SHROOM3: variants seen among roughly 807,000 people sequenced by gnomAD.
SHROOM3 encodes protein Shroom3.
A neutral mutation model predicts 138.6 loss-of-function variants in SHROOM3; 47 were observed. That is an observed-to-expected ratio of 0.34 (90% CI 0.27 to 0.43). The LOEUF (loss-of-function observed/expected upper bound fraction) is 0.43. Ranked by LOEUF, SHROOM3 falls within the 20% of genes least tolerant of loss-of-function variation. SHROOM3 has a pLI of 1.00. For missense variants in SHROOM3, 2,491 were observed against 2,596.5 expected, an observed-to-expected ratio of 0.96 and a Z score of 0.88; for synonymous variants, 1,062 against 1,063.3, an observed-to-expected ratio of 1.00 and a Z score of 0.02.
At chr4:76,764,283 A>G (rs1434744647) in intron 9 of SHROOM3, among the ~76,000 whole-genome samples, 1 of 152,254 alleles carries the variant, frequency 6.6e-6, no homozygotes, top group Admixed American at 6.5e-5. Flanking sequence ...TTTTGGCTAA[A>G]GCCTGCCTTA....
chr4:76,702,166 A>T (rs764799701), intron 2 of SHROOM3, among the ~76,000 whole-genome samples: 2 of 152,210 alleles, frequency 1.3e-5, no homozygotes, highest in Non-Finnish European at 2.9e-5. Flanking sequence ...GTTGATACCT[A>T]CCAAAGTATA....
chr4:76,608,723 CAGCACAGCAT>C (rs1176005844), intron 2 of SHROOM3, among the ~76,000 whole-genome samples: 7,210 of 61,742 alleles, frequency 0.12, 545 homozygotes, highest in South Asian at 0.14. Flanking sequence ...CAGCACAGCA[CAGCACAGCAT>C]AGCATAGCAT....
chr4:76,517,851 C>G (rs1201313143), intron 1 of SHROOM3, among the ~76,000 whole-genome samples: 2 of 152,132 alleles, frequency 1.3e-5, no homozygotes, highest in Non-Finnish European at 2.9e-5. Context: ...CCCAGCCATT[C>G]CCCGTGGAAA....
chr4:76,547,961 G>A lies in SHROOM3; in HGVS notation c.169-7648G>A, dbSNP rs942833335. ...CACACACACACACACACACACACAC[G>A]TCATGAATTAAGTGTTAATGAGAAA... On this transcript the variant is annotated intron_variant, in intron 1 of 10. Transcript: ENST00000296043. Among the ~76,000 whole-genome samples the A allele has an allele frequency of 2.2e-4, 11 of 49,618 alleles. No individual in the cohort carries two copies. In the South Asian group the frequency reaches 6.5e-3, roughly 29 times the overall value. The allele number at this position is 49,618 out of a possible 152,430, so 32.6% of individuals were successfully genotyped here. A position where few individuals can be genotyped will look rare whatever the true frequency, so the allele number is the denominator to read the frequency against.
intron 1 of SHROOM3, among the ~76,000 whole-genome samples, chr4:76,551,911 G>A (rs1733362591): frequency 6.6e-6 from 1 of 151,350 alleles, no homozygotes; most frequent in Admixed American, 6.6e-5. Context: ...ACCCAGGCTG[G>A]AGTGCAGTGG....
chr4:76,499,795 T>C lies in SHROOM3; in HGVS notation c.169-55814T>C, dbSNP rs895802135. 4.6e-4 allele frequency among the ~76,000 whole-genome samples: 70 copies of C among 152,114 alleles called. 1 individual carries two copies. Among genetic ancestry groups the C allele is most frequent in the Admixed American group, 4.1e-3 (62 of 15,260 alleles). ...TTTTAGAAGGGTCTAGAAAAACAGATTGAGGGACATTCTTATTGAAGGGGG... is the reference window on the plus strand; with the variant it reads ...TTTTAGAAGGGTCTAGAAAAACAGACTGAGGGACATTCTTATTGAAGGGGG... On this transcript the variant is annotated intron_variant, in intron 1 of 10. Coordinates refer to ENST00000296043, the MANE Select transcript of SHROOM3 (RefSeq NM_020859.4).
rs77872110 is a variant in SHROOM3, at chr4:76,616,217, T to G, written c.323+60454T>G. On this transcript the variant is annotated intron_variant, in intron 2 of 10. Transcript: ENST00000296043. The stretch of plus-strand genomic sequence containing the variant: ...CGAAGTTCCTGTTCTCATTTAACCT[T>G]GAGATTCTGTAATTCGAATCTGGTT... Among the ~76,000 whole-genome samples the G allele has an allele frequency of 2.5e-3, 376 of 152,338 alleles. 6 individuals are homozygous for G. In the East Asian group the frequency reaches 0.049, roughly 20 times the overall value.
intron 2 of SHROOM3, among the ~76,000 whole-genome samples, chr4:76,700,972 A>G (rs1719888686): frequency 6.6e-6 from 1 of 151,992 alleles, no homozygotes; most frequent in South Asian, 2.1e-4. Context: ...TTTAATAGAG[A>G]TAGTGTTTCA....
Position 76,779,222 on chromosome 4 carries a change from A to G in SHROOM3, c.*45A>G. The G allele has an allele frequency of 6.4e-7, 1 of 1,552,644 alleles. No homozygotes were observed. The highest frequency in any genetic ancestry group is 2.3e-5 in the East Asian group (1 of 44,338). On this transcript the variant is annotated 3_prime_UTR_variant, in exon 11 of 11. Transcript: ENST00000296043. ...CCAAAAGATCACTGTTTCTCTCAAC[A>G]CTATTTAATCTGAAAAATGTTTCAG...
chr4:76,621,575 C>A (rs1475050654), intron 2 of SHROOM3, among the ~76,000 whole-genome samples: 2 of 152,176 alleles, frequency 1.3e-5, no homozygotes, highest in Non-Finnish European at 2.9e-5. Context: ...CCTTAGGGAA[C>A]AAACAGACCC....
In SHROOM3 at chr4:76,457,169, T is replaced by C. The variant is rs563193989; in HGVS notation, c.168+20949T>C. ...ATCTGTGTCCCCACCAAGTTTCATG[T>C]CAAATTGTATTCTCCACTGTTGGAA... On this transcript the variant is annotated intron_variant, in intron 1 of 10. Transcript: ENST00000296043. Among the ~76,000 whole-genome samples, 72 of 152,284 alleles carry C rather than the reference T, an allele frequency of 4.7e-4. 2 individuals are homozygous for C. In the South Asian group the frequency reaches 0.015, roughly 32 times the overall value.
At position 76,740,359 on chromosome 4, in the gene SHROOM3, C is replaced by T. The variant is rs780710669; in HGVS notation, c.2186C>T (p.Thr729Ile). The change falls in exon 5 of 11, where the codon ACC becomes ATC. Residue 729 changes from threonine to isoleucine, a missense_variant. Physicochemically the swap from Thr to Ile is moderately conservative, Grantham distance 89. Around this residue, in one of 4 missense-constraint regions of SHROOM3, gnomAD observed 1,733 missense variants for 1,661.6 expected, o/e 1.04. Coordinates refer to ENST00000296043, the MANE Select transcript of SHROOM3 (RefSeq NM_020859.4). This position sits in a 1 kb window ranked among gnomAD's most constrained non-coding sequence, Gnocchi z 4.0. ...QVSYPRPEGR[T>I]GASASFNSTD... Reference sequence around the variant, plus strand: ...TCCTACCCGCGGCCCGAGGGGAGGACCGGTGCCTCGGCTTCTTTCAACAGC... The same window carrying T: ...TCCTACCCGCGGCCCGAGGGGAGGATCGGTGCCTCGGCTTCTTTCAACAGC... 2 of 1,613,070 alleles carry T rather than the reference C, an allele frequency of 1.2e-6. No individual in the cohort carries two copies. The highest frequency in any genetic ancestry group is 2.2e-5 in the South Asian group (2 of 91,088).
chr4:76,688,982 T>G (rs1719416573), intron 2 of SHROOM3: 2 of 880,522 alleles, frequency 2.3e-6, no homozygotes, highest in African/African-American at 3.7e-5. Context: ...TTTTTTTAGC[T>G]GTGAACTTTT....
chr4:76,677,364 T>TC (rs1405046214), intron 2 of SHROOM3, among the ~76,000 whole-genome samples: 2 of 152,270 alleles, frequency 1.3e-5, no homozygotes, highest in Non-Finnish European at 1.5e-5. Flanking sequence ...CTCTGAGTCT[T>TC]CATTCTCTCC....
At chr4:76,541,812 A>G (rs1023522457) in intron 1 of SHROOM3, among the ~76,000 whole-genome samples, 20 of 152,148 alleles carry the variant, frequency 1.3e-4, no homozygotes, top group Non-Finnish European at 2.8e-4. Context: ...TTCAAACACC[A>G]GGAACACAAA....
intron 2 of SHROOM3, among the ~76,000 whole-genome samples, chr4:76,571,351 A>G (rs140892998): frequency 1.1e-3 from 160 of 152,274 alleles, no homozygotes; most frequent in African/African-American, 3.5e-3. Flanking sequence ...CTGAACCAAT[A>G]TGGGTTCTTC....
intron 2 of SHROOM3, among the ~76,000 whole-genome samples, chr4:76,698,366 T>G (rs1719807071): frequency 6.6e-6 from 1 of 152,192 alleles, no homozygotes; most frequent in Admixed American, 6.5e-5. Context: ...AGGGAGTTCA[T>G]TTTTGCTAAG....
chr4:76,588,122 A>T (rs1734189128), intron 2 of SHROOM3, among the ~76,000 whole-genome samples: 1 of 152,104 alleles, frequency 6.6e-6, no homozygotes, highest in Admixed American at 6.5e-5. Flanking sequence ...TGGTTGAAAA[A>T]CTTCTTAACA....
intron 1 of SHROOM3, among the ~76,000 whole-genome samples, chr4:76,502,855 A>G (rs531132616): frequency 6.6e-6 from 1 of 152,280 alleles, no homozygotes; most frequent in East Asian, 1.9e-4. Context: ...TTTCTCTCGT[A>G]TGGCTATCCA....
Sources: allele counts gnomAD v4.1 joint callset (sites outside exome capture counted in the v4.1 genomes callset), GRCh38; gene constraint gnomAD v4.1.1; regional missense constraint gnomAD v4.1.1; non-coding constraint Gnocchi (gnomAD v3.1); transcripts MANE v1.5; gene names NCBI Gene and HGNC (gene_info 2026-07-23, HGNC 2026-07-21).